Variants in EPB41L1 observed in about 807,000 individuals in gnomAD.
EPB41L1 encodes the protein band 4.1-like protein 1.
In EPB41L1, 29 loss-of-function variants were observed where a neutral mutation model predicts 97.8. The ratio of observed to expected loss-of-function variants is 0.30; its 90% CI spans 0.22 to 0.40. The LOEUF (loss-of-function observed/expected upper bound fraction) is 0.40, where lower values mean the gene tolerates loss of function less well. EPB41L1 is among the 10% of genes least tolerant of loss of function. EPB41L1 has a pLI of 1.00. For missense variants in EPB41L1, 812 were observed against 1,162.3 expected, an observed-to-expected ratio of 0.70 and a Z score of 4.38; for synonymous variants, 383 against 459.2, an observed-to-expected ratio of 0.83 and a Z score of 2.12.
intron 1 of EPB41L1, among the ~76,000 whole-genome samples, chr20:36,098,580 A>G (rs1279115324): frequency 1.3e-5 from 2 of 152,146 alleles, no homozygotes; most frequent in African/African-American, 2.4e-5. Flanking sequence ...TCTTCTAAGG[A>G]CACCAGTCAT....
intron 21 of EPB41L1, among the ~76,000 whole-genome samples, chr20:36,227,919 C>T (rs1312553212): frequency 1.3e-5 from 2 of 152,218 alleles, no homozygotes; most frequent in Admixed American, 1.3e-4. Context: ...CTCCCAAACA[C>T]CACCAGCAAG....
At chr20:36,143,336 G>A (rs1282600376) in intron 2 of EPB41L1, among the ~76,000 whole-genome samples, 1 of 151,940 alleles carries the variant, frequency 6.6e-6, no homozygotes, top group African/African-American at 2.4e-5. Flanking sequence ...GTATTTTTCA[G>A]GACTGTGTGC....
intron 2 of EPB41L1, among the ~76,000 whole-genome samples, chr20:36,118,079 C>T (rs2058641129): frequency 6.6e-6 from 1 of 152,186 alleles, no homozygotes; most frequent in Non-Finnish European, 1.5e-5. Flanking sequence ...GACAGGGAAA[C>T]TGAGGCAAGG....
At chr20:36,170,257 T>C (rs1331297653) in intron 1 of EPB41L1, among the ~76,000 whole-genome samples, 1 of 152,228 alleles carries the variant, frequency 6.6e-6, no homozygotes, top group African/African-American at 2.4e-5. Context: ...ATTTCTTTTT[T>C]GACCTCTAAC....
chr20:36,172,134 G>T (rs922890892), intron 1 of EPB41L1, among the ~76,000 whole-genome samples: 5 of 152,068 alleles, frequency 3.3e-5, no homozygotes, highest in Non-Finnish European at 7.4e-5. Context: ...TTATCACCCA[G>T]GCTGGAGTGC....
chr20:36,128,333 G>A (rs1454846596), intron 2 of EPB41L1, among the ~76,000 whole-genome samples: 1 of 152,184 alleles, frequency 6.6e-6, no homozygotes, highest in African/African-American at 2.4e-5. Context: ...GGGGCCCTAG[G>A]CTGCAAGACC....
chr20:36,156,955 ATTGCGCACGCCT>A (rs1250906980), intron 1 of EPB41L1, among the ~76,000 whole-genome samples: 1 of 152,090 alleles, frequency 6.6e-6, no homozygotes, highest in African/African-American at 2.4e-5. Flanking sequence ...GGCGTGCGCC[ATTGCGCACGCCT>A]GTAATCCCAG....
At position 36,229,647 on chromosome 20, in the gene EPB41L1, C is replaced by T; in HGVS notation, c.*307C>T. 1 of 274,760 alleles carries T rather than the reference C, an allele frequency of 3.6e-6. No homozygotes were observed. The highest frequency in any genetic ancestry group is 6.8e-6 in the Non-Finnish European group (1 of 147,026). 17.0% of individuals were successfully genotyped at this position (274,760 alleles called of 1,614,324 possible). A position where few individuals can be genotyped will look rare whatever the true frequency, so the allele number is the denominator to read the frequency against. The stretch of plus-strand genomic sequence containing the variant: ...ATTGAAGAACTGGTGGGATTTTTTT[C>T]AAGAAAAAAAATTATATAATAACTA... On this transcript the variant is annotated 3_prime_UTR_variant, in exon 22 of 22. Transcript: ENST00000338074.
intron 13 of EPB41L1, among the ~76,000 whole-genome samples, chr20:36,196,730 G>T (rs2062223890): frequency 6.6e-6 from 1 of 152,222 alleles, no homozygotes; most frequent in South Asian, 2.1e-4. Context: ...AATAAGCTGA[G>T]ATTGTCCATT....
intron 17 of EPB41L1, among the ~76,000 whole-genome samples, chr20:36,216,343 G>C (rs2063440223): frequency 6.6e-6 from 1 of 152,176 alleles, no homozygotes; most frequent in African/African-American, 2.4e-5. Context: ...GCAGCATTTG[G>C]GGAAGGACCA....
intron 14 of EPB41L1, among the ~76,000 whole-genome samples, chr20:36,201,868 G>A (rs139776371): frequency 1.3e-5 from 2 of 152,190 alleles, no homozygotes; most frequent in South Asian, 2.1e-4. Context: ...AATATCTGCC[G>A]CTCCCCTGTT....
At chr20:36,221,163 G>A (rs530677554) in intron 19 of EPB41L1, among the ~76,000 whole-genome samples, 1 of 152,276 alleles carries the variant, frequency 6.6e-6, no homozygotes, top group African/African-American at 2.4e-5. Context: ...GACTCCAGCT[G>A]GGATTCCCCA....
chr20:36,123,161 C>A (rs1203000491), intron 2 of EPB41L1, among the ~76,000 whole-genome samples: 1 of 151,946 alleles, frequency 6.6e-6, no homozygotes, highest in Non-Finnish European at 1.5e-5. Context: ...GCTTTCTGAA[C>A]GTCTCCATGA....
chr20:36,161,933 G>T (rs565445412), intron 1 of EPB41L1, among the ~76,000 whole-genome samples: 1 of 152,196 alleles, frequency 6.6e-6, no homozygotes, highest in African/African-American at 2.4e-5. Context: ...GCTAATTTGG[G>T]GGGGGCACAG....
chr20:36,136,926 C>G (rs1191029228), intron 2 of EPB41L1, among the ~76,000 whole-genome samples: 1 of 152,016 alleles, frequency 6.6e-6, no homozygotes, highest in Non-Finnish European at 1.5e-5. Context: ...TGTTCTGTTG[C>G]CTAGACTGAA....
At chr20:36,210,217 G>A (rs1183028762) in intron 15 of EPB41L1, among the ~76,000 whole-genome samples, 1 of 152,196 alleles carries the variant, frequency 6.6e-6, no homozygotes. Flanking sequence ...GCATGCGTCT[G>A]TGGACTCTTG....
rs532611675 is a variant in EPB41L1 at position 36,212,365 on chromosome 20, G to A, written c.2173G>A (p.Asp725Asn). The A allele has an allele frequency of 5.6e-6, 9 of 1,614,138 alleles. No homozygotes were observed. The South Asian group carries it at 8.8e-5, about 16-fold the overall frequency. ...AVLQTRVSAM[D>N]NTQQVDGSAS... ...ACTGCAGACCAGAGTCTCCGCTATG[G>A]ATAACACCCAGGTAACTTGTGCCTT... The change falls in exon 16 of 22, where the codon GAT becomes AAT. Residue 725 changes from aspartate (D) to asparagine (N), a missense_variant. By Grantham distance (23) the Asp-to-Asn change is conservative. Transcript: ENST00000338074. This position sits in a 1 kb window ranked among gnomAD's most constrained non-coding sequence, Gnocchi z 4.8.
rs1213324638 is a variant in EPB41L1, at chr20:36,232,612, A to G, written c.*3272A>G. ...AAACTGCATGAGCAACATCACTCGAAATAATTTTTTTTTTCAAAAGCACCT... is the reference window on the plus strand; with the variant it reads ...AAACTGCATGAGCAACATCACTCGAGATAATTTTTTTTTTCAAAAGCACCT... On this transcript the variant is annotated 3_prime_UTR_variant, in exon 22 of 22. Transcript: ENST00000338074. The G allele has an allele frequency of 2.5e-6, 1 of 398,740 alleles. No homozygotes were observed. The highest frequency in any genetic ancestry group is 2.1e-5 in the African/African-American group (1 of 48,466). The allele number at this position is 398,740 out of a possible 1,614,324, so 24.7% of individuals were successfully genotyped here. A position where few individuals can be genotyped will look rare whatever the true frequency, so the allele number is the denominator to read the frequency against.
chr20:36,219,732 C>T, intron 18 of EPB41L1, 29 bp from the exon 19 acceptor site: 1 of 1,610,688 alleles, frequency 6.2e-7, no homozygotes, highest in Non-Finnish European at 8.5e-7. Context: ...TACCTGACAC[C>T]CTGGGTGGGG....
Sources: gnomAD v4.1 joint callset for allele counts (sites outside exome capture counted in the v4.1 genomes callset) on GRCh38, gnomAD v4.1.1 for gene constraint, Gnocchi (gnomAD v3.1) non-coding constraint, MANE v1.5 for transcripts, NCBI Gene and HGNC (gene_info 2026-07-23, HGNC 2026-07-21) for gene names.